Variants in AHRR observed in about 807,000 individuals in gnomAD.
AHRR encodes ahR repressor.
In AHRR, 28 loss-of-function variants were observed where a neutral mutation model predicts 44.0. The observed-to-expected ratio is 0.64, with a 90% confidence interval of 0.47 to 0.87. The LOEUF (loss-of-function observed/expected upper bound fraction) is 0.87. AHRR is among the 40% of genes least tolerant of loss of function. AHRR has a pLI of 0.00. For missense variants in AHRR, 990 were observed against 953.9 expected, an observed-to-expected ratio of 1.04 and a Z score of -0.50; for synonymous variants, 434 against 407.0, an observed-to-expected ratio of 1.07 and a Z score of -0.80.
At chr5:367,881 G>C (rs1035451934) in intron 3 of AHRR, 18 of 702,462 alleles carry the variant, frequency 2.6e-5, no homozygotes, top group Non-Finnish European at 3.9e-5. Flanking sequence ...TGTCGTTCAG[G>C]AGGCCCCGAG....
intron 3 of AHRR, among the ~76,000 whole-genome samples, chr5:375,150 G>A (rs569679042): frequency 6.6e-6 from 1 of 152,356 alleles, no homozygotes; most frequent in East Asian, 1.9e-4. Context: ...CAGACACAGT[G>A]CCCCTGGGGC....
chr5:408,223 C>G (rs1355069012), intron 4 of AHRR, among the ~76,000 whole-genome samples: 1 of 152,246 alleles, frequency 6.6e-6, no homozygotes, highest in African/African-American at 2.4e-5. Flanking sequence ...CAGGGTTGCA[C>G]CCCTTGTATG....
chr5:374,127 GGTCT>G (rs1279434559), intron 3 of AHRR, among the ~76,000 whole-genome samples: 2 of 152,054 alleles, frequency 1.3e-5, no homozygotes, highest in African/African-American at 4.8e-5. Flanking sequence ...CTGGGTGGTC[GGTCT>G]GTGTGCGGGT....
At chr5:394,852 G>A (rs558515770) in intron 4 of AHRR, among the ~76,000 whole-genome samples, 2 of 152,310 alleles carry the variant, frequency 1.3e-5, no homozygotes, top group South Asian at 2.1e-4. Flanking sequence ...GGAGCACCGT[G>A]GGAGGGAGCA....
chr5:370,120 G>A lies in AHRR; in HGVS notation c.245-6490G>A, dbSNP rs1743518516. Among the ~76,000 whole-genome samples the A allele has an allele frequency of 1.3e-5, 2 of 148,802 alleles. No individual in the cohort carries two copies. Among genetic ancestry groups the A allele is most frequent in the African/African-American group, 2.5e-5 (1 of 40,246 alleles). Reference sequence around the variant, plus strand: ...CTCCCGGGCCCTCGCTGGAAGCCCCGTCCTCCCGGGCCCTCGCTGGTGCCC... The same window carrying A: ...CTCCCGGGCCCTCGCTGGAAGCCCCATCCTCCCGGGCCCTCGCTGGTGCCC... On this transcript the variant is annotated intron_variant, in intron 3 of 10. Transcript: ENST00000684583. This position sits in a 1 kb window ranked among gnomAD's most constrained non-coding sequence, Gnocchi z 4.5.
intron 1 of AHRR, chr5:343,655 C>G (rs1490468081): frequency 8.1e-6 from 4 of 495,900 alleles, no homozygotes. Context: ...GAGGCCGGGA[C>G]CCGCCTGACA....
intron 1 of AHRR, among the ~76,000 whole-genome samples, chr5:323,748 C>A (rs1312109854): frequency 6.6e-6 from 1 of 152,126 alleles, no homozygotes; most frequent in Admixed American, 6.5e-5. Context: ...GAGATGCCGC[C>A]GGGTGGCCCT....
At chr5:428,986 A>G (rs1736595753) in intron 8 of AHRR, among the ~76,000 whole-genome samples, 1 of 152,236 alleles carries the variant, frequency 6.6e-6, no homozygotes, top group South Asian at 2.1e-4. Context: ...TCGCTTGCGC[A>G]GGGCCCACCT....
At chr5:374,658 A>T (rs961886481) in intron 3 of AHRR, among the ~76,000 whole-genome samples, 2 of 152,114 alleles carry the variant, frequency 1.3e-5, no homozygotes, top group East Asian at 3.9e-4. Flanking sequence ...CCAGGGAGGG[A>T]GGGGAACAGA....
rs372608177 is a variant in AHRR at position 426,031 on chromosome 5, T to C, written c.709-1776T>C. 6.3e-4 allele frequency among the ~76,000 whole-genome samples: 96 copies of C among 152,360 alleles called. 1 individual carries two copies. The South Asian group carries it at 0.02, about 31-fold the overall frequency. On this transcript the variant is annotated intron_variant, in intron 7 of 10. Transcript: ENST00000684583. ...ACTTGGGAGCTTGAAATCAGCTGTG[T>C]TGGGAATATTTATACTAAAAAAATT...
At chr5:389,936 GGGAA>G (rs1280413320) in intron 4 of AHRR, among the ~76,000 whole-genome samples, 41 of 119,014 alleles carry the variant, frequency 3.4e-4, no homozygotes, top group African/African-American at 1.3e-3. Flanking sequence ...GGAGGGGGAG[GGGAA>G]GGGAGGGAGG....
At chr5:403,510 C>T (rs1735113865) in intron 4 of AHRR, among the ~76,000 whole-genome samples, 1 of 152,006 alleles carries the variant, frequency 6.6e-6, no homozygotes, top group Non-Finnish European at 1.5e-5. Flanking sequence ...GTGGCGCATG[C>T]CTGTAATCCC....
rs1032445042 is a variant in AHRR, at chr5:422,907, A to G, written c.571+49A>G. 1.9e-6 allele frequency: 3 copies of G among 1,560,190 alleles called. No individual in the cohort carries two copies. In the Admixed American group the frequency reaches 5.8e-5, roughly 30 times the overall value. On this transcript the variant is annotated intron_variant, in intron 6 of 10. Transcript: ENST00000684583. ...GTCAGCAAAACCTAAAGCAGGTCCC[A>G]TAACACATCGCTGCCTCTGGAAATG... is the stretch of plus-strand genomic sequence containing the variant.
At chr5:385,175 C>A (rs1015665148) in intron 4 of AHRR, among the ~76,000 whole-genome samples, 2 of 151,568 alleles carry the variant, frequency 1.3e-5, no homozygotes, top group South Asian at 4.2e-4. Flanking sequence ...TTTTATTTAT[C>A]GTTTTTTTTT....
rs1044182447 is a variant in AHRR at position 388,181 on chromosome 5, T to A, written c.351+11465T>A. On this transcript the variant is annotated intron_variant, in intron 4 of 10. Coordinates refer to ENST00000684583, the MANE Select transcript of AHRR (RefSeq NM_001377236.1). The surrounding 1 kb of genome is among the most constrained non-coding windows in gnomAD (Gnocchi z 5.2). ...AGGACACCACTCAGCCCAGTACCAC[T>A]GTGCTTACCTCACAGCTCTATCGTA... Among the ~76,000 whole-genome samples, 2 of 152,204 alleles carry A rather than the reference T, an allele frequency of 1.3e-5. No homozygotes were observed. The highest frequency in any genetic ancestry group is 2.4e-5 in the African/African-American group (1 of 41,456).
At chr5:325,198 G>A (rs1029100930) in intron 1 of AHRR, among the ~76,000 whole-genome samples, 4 of 152,172 alleles carry the variant, frequency 2.6e-5, no homozygotes, top group East Asian at 1.9e-4. Flanking sequence ...ACCACCCCCC[G>A]ACCCGCTCTT....
chr5:378,683 G>A (rs996085654), intron 4 of AHRR, among the ~76,000 whole-genome samples: 1 of 152,208 alleles, frequency 6.6e-6, no homozygotes, highest in Admixed American at 6.5e-5. Flanking sequence ...AAACAAGGAG[G>A]AGGGCTCCAA....
chr5:409,843 C>T (rs1735402372), intron 4 of AHRR, among the ~76,000 whole-genome samples: 1 of 152,162 alleles, frequency 6.6e-6, no homozygotes, highest in African/African-American at 2.4e-5. Context: ...CCCAAATCTA[C>T]CTACCTCAGA....
chr5:353,309 G>A (rs1422719870), intron 2 of AHRR, among the ~76,000 whole-genome samples: 2 of 152,176 alleles, frequency 1.3e-5, no homozygotes, highest in African/African-American at 4.8e-5. Context: ...TTTAGACACC[G>A]AGGAGTCCCC....
Sources: allele counts gnomAD v4.1 joint callset (sites outside exome capture counted in the v4.1 genomes callset), GRCh38; gene constraint gnomAD v4.1.1; non-coding constraint Gnocchi (gnomAD v3.1); transcripts MANE v1.5; gene names NCBI Gene and HGNC (gene_info 2026-07-23, HGNC 2026-07-21).